Variants in GCG observed in about 807,000 individuals in gnomAD.
GCG encodes pro-glucagon.
In GCG, 11 loss-of-function variants were observed where a neutral mutation model predicts 22.8. That is an observed-to-expected ratio of 0.48 (90% CI 0.30 to 0.80). The LOEUF is 0.80. GCG is among the 30% of genes least tolerant of loss of function. The probability of loss-of-function intolerance (pLI) is 0.06; values close to 1 mark genes in which losing one functional copy is unlikely to be tolerated. For missense variants in GCG, 222 were observed against 222.0 expected (o/e 1.00, Z 0.00); for synonymous variants, 89 against 72.4 (o/e 1.23, Z -1.16).
At position 162,147,243 on chromosome 2, in the gene GCG, G is replaced by A. The variant is rs1395420502; in HGVS notation, c.254+110C>T. On this transcript the variant is annotated intron_variant, in intron 3 of 5. Transcript: ENST00000418842. ...ACCCTAAACATCTTCAAAATGATCA[G>A]GGCTTATGGGCACTATTTGACGAGC... is the stretch of plus-strand genomic sequence containing the variant. 2.4e-5 allele frequency: 19 copies of A among 808,444 alleles called. No individual in the cohort carries two copies. In the South Asian group the frequency reaches 2.9e-4, roughly 12 times the overall value. 50.1% of individuals were successfully genotyped at this position (808,444 alleles called of 1,614,324 possible).
chr2:162,145,992 G>T (rs1686673876), intron 3 of GCG, among the ~76,000 whole-genome samples: 1 of 152,146 alleles, frequency 6.6e-6, no homozygotes, highest in Admixed American at 6.6e-5. Flanking sequence ...AATGGATACA[G>T]GCTATCCACT....
intron 2 of GCG, among the ~76,000 whole-genome samples, chr2:162,148,577 A>G (rs1317585557): frequency 6.6e-6 from 1 of 152,154 alleles, no homozygotes; most frequent in Non-Finnish European, 1.5e-5. Context: ...ATATTTATGT[A>G]CAGTTTACGT....
At chr2:162,150,816 T>A (rs896829113) in intron 1 of GCG, among the ~76,000 whole-genome samples, 2 of 152,148 alleles carry the variant, frequency 1.3e-5, no homozygotes, top group Non-Finnish European at 2.9e-5. Flanking sequence ...TCTCCTATTA[T>A]GTTCCATTGA....
chr2:162,147,238 G>A, intron 3 of GCG, 115 bp downstream of exon 3: 2 of 790,898 alleles, frequency 2.5e-6, no homozygotes, highest in Non-Finnish European at 4.2e-6. Flanking sequence ...TCTTCAAAAT[G>A]ATCAGGGCTT....
intron 1 of GCG, among the ~76,000 whole-genome samples, chr2:162,150,369 C>T (rs925337132): frequency 2.6e-5 from 4 of 152,130 alleles, no homozygotes; most frequent in Non-Finnish European, 5.9e-5. Flanking sequence ...AACTATCAAT[C>T]TTTTCCTTAA....
chr2:162,146,562 CT>C (rs1559749516), intron 3 of GCG, among the ~76,000 whole-genome samples: 7,299 of 150,592 alleles, frequency 0.048, 637 homozygotes, highest in African/African-American at 0.17. Flanking sequence ...CTCTCTCTCT[CT>C]CTCTCTCTCT....
chr2:162,151,344 A>G (rs1686834122), intron 1 of GCG, among the ~76,000 whole-genome samples: 1 of 152,112 alleles, frequency 6.6e-6, no homozygotes, highest in Non-Finnish European at 1.5e-5. Context: ...ATTTTATGTA[A>G]TAGGTCTTCA....
chr2:162,151,431 G>T (rs1686835684), intron 1 of GCG, among the ~76,000 whole-genome samples: 1 of 152,012 alleles, frequency 6.6e-6, no homozygotes. Context: ...GTCTCTAGGA[G>T]CCTAATCTAA....
chr2:162,144,731 T>G (rs1357623858), intron 4 of GCG: 1 of 152,210 alleles, frequency 6.6e-6, no homozygotes, highest in Non-Finnish European at 1.5e-5. Flanking sequence ...CTCTTTCATC[T>G]TGAGATCTCT....
intron 2 of GCG, 25 bp downstream of exon 2, chr2:162,149,062 T>G: frequency 7.3e-7 from 1 of 1,377,130 alleles, no homozygotes; most frequent in Non-Finnish European, 1.0e-6. Flanking sequence ...ATTGATATGT[T>G]AGTTCGAGAC....
chr2:162,149,036 G>T lies in GCG; in HGVS notation c.92+51C>A, dbSNP rs1449417307. On this transcript the variant is annotated intron_variant, in intron 2 of 5. Coordinates refer to ENST00000418842, the MANE Select transcript of GCG (RefSeq NM_002054.5). ...TATTCACTAATCATAGTTTTCACAG[G>T]CTTTATTCCAACCATATTGATATGT... The T allele has an allele frequency of 8.4e-6, 9 of 1,076,558 alleles. No homozygotes were observed. The African/African-American group carries it at 1.1e-4, about 13-fold the overall frequency. 66.7% of individuals were successfully genotyped at this position (1,076,558 alleles called of 1,614,324 possible). A position where few individuals can be genotyped will look rare whatever the true frequency, so the allele number is the denominator to read the frequency against.
rs534309064 is a variant in GCG at position 162,146,658 on chromosome 2, C to T, written c.254+695G>A. On this transcript the variant is annotated intron_variant, in intron 3 of 5. Coordinates refer to ENST00000418842, the MANE Select transcript of GCG (RefSeq NM_002054.5). ...CCTGATTTTTTGATTTCTTCAGCTACTTTCTATGCATAACTCCCTTCCTCT... is the reference window on the plus strand; with the variant it reads ...CCTGATTTTTTGATTTCTTCAGCTATTTTCTATGCATAACTCCCTTCCTCT... 2.0e-5 allele frequency among the ~76,000 whole-genome samples: 3 copies of T among 151,596 alleles called. No individual in the cohort carries two copies. The South Asian group carries it at 6.3e-4, about 32-fold the overall frequency.
Position 162,145,573 on chromosome 2 carries a change from A to C in GCG, c.359T>G (p.Ile120Ser). The C allele has an allele frequency of 1.2e-6, 2 of 1,611,356 alleles. No homozygotes were observed. The highest frequency in any genetic ancestry group is 1.7e-6 in the Non-Finnish European group (2 of 1,178,572). The change falls in exon 4 of 6, where the codon ATT (isoleucine) becomes AGT (serine). Residue 120 changes from isoleucine (I) to serine (S), a missense_variant. Physicochemically the swap from Ile to Ser is moderately radical, Grantham distance 142 (BLOSUM62 -2). Coordinates refer to ENST00000418842, the MANE Select transcript of GCG (RefSeq NM_002054.5). Reference protein sequence around the residue: ...YLEGQAAKEFIAWLVKGRGRR... With the variant: ...YLEGQAAKEFSAWLVKGRGRR... ...TCCTCGGCCTTTCACCAGCCAAGCA[A>C]TGAATTCCTTGGCAGCTTGGCCTTC...
chr2:162,143,618 T>C (rs558420635), intron 5 of GCG, among the ~76,000 whole-genome samples: 8 of 152,172 alleles, frequency 5.3e-5, no homozygotes, highest in Non-Finnish European at 8.8e-5. Context: ...TCAAGATAAG[T>C]ATTTTTCGGT....
At chr2:162,150,791 A>C (rs1390942527) in intron 1 of GCG, among the ~76,000 whole-genome samples, 1 of 152,126 alleles carries the variant, frequency 6.6e-6, no homozygotes, top group Admixed American at 6.6e-5. Context: ...CCAAAGTCCT[A>C]AGCGTTTTGC....
At position 162,144,096 on chromosome 2, in the gene GCG, T is replaced by A. The variant is rs762656543; in HGVS notation, c.467A>T (p.Asn156Ile). The A allele has an allele frequency of 6.2e-7, 1 of 1,612,518 alleles. No individual in the cohort carries two copies. Among genetic ancestry groups the A allele is most frequent in the Admixed American group, 1.7e-5 (1 of 59,928 alleles). ...HADGSFSDEM[N>I]TILDNLAARD... ...GGCGGCAAGATTATCAAGAATGGTG[T>A]TCATCTCATCAGAGAAAGAACCATC... The change falls in exon 5 of 6, where the codon AAC becomes ATC. Residue 156 changes from asparagine (N) to isoleucine (I), a missense_variant. Transcript: ENST00000418842.
chr2:162,149,175 T>C lies in GCG; in HGVS notation c.4A>G (p.Lys2Glu). The C allele has an allele frequency of 6.2e-7, 1 of 1,608,430 alleles. No homozygotes were observed. The highest frequency in any genetic ancestry group is 1.1e-5 in the South Asian group (1 of 90,884). ...AATCCAGCCACAAAGTAAATGCTTT[T>C]CATTTCTGCTGTCTGTCAGAACACA... is the stretch of plus-strand genomic sequence containing the variant. M[K>E]SIYFVAGLFV... Residue 2 changes from lysine (K) to glutamate (E), a missense_variant, in exon 2 of 6, where the codon AAA becomes GAA. Physicochemically the swap from Lys to Glu is moderately conservative, Grantham distance 56. Transcript: ENST00000418842.
In GCG at chr2:162,142,931, G is replaced by C. The variant is rs1003367897; in HGVS notation, c.*433C>G. 3.2e-5 allele frequency: 5 copies of C among 153,852 alleles called. No homozygotes were observed. Among genetic ancestry groups the C allele is most frequent in the African/African-American group, 9.6e-5 (4 of 41,548 alleles). 9.5% of individuals were successfully genotyped at this position (153,852 alleles called of 1,614,324 possible). On this transcript the variant is annotated 3_prime_UTR_variant, in exon 6 of 6. Transcript: ENST00000418842. ...GTATCTTTGATACATTGAAAGCTGA[G>C]TATTTTTAAGACAAAGGTTTCAGGA...
At position 162,144,167 on chromosome 2, in the gene GCG, G is replaced by A. The variant is rs550012298; in HGVS notation, c.396C>T (p.Phe132=). ...WLVKGRGRRD[F]PEEVAIVEEL... is the part of the protein sequence containing the mutation. ...CTTCAACAATGGCGACCTCTTCTGG[G>A]AAACTAAGAAAATAAGTGTTAAAAT... The change falls in exon 5 of 6, where the codon TTC becomes TTT. Residue 132 remains phenylalanine, a synonymous_variant. Transcript: ENST00000418842. The A allele has an allele frequency of 1.2e-6, 2 of 1,609,024 alleles. No homozygotes were observed. The highest frequency in any genetic ancestry group is 2.7e-5 in the African/African-American group (2 of 74,926).
Sources: allele counts gnomAD v4.1 joint callset (sites outside exome capture counted in the v4.1 genomes callset), GRCh38; gene constraint gnomAD v4.1.1; transcripts MANE v1.5; gene names NCBI Gene and HGNC (gene_info 2026-07-23, HGNC 2026-07-21).